ERICH1: variants seen among roughly 807,000 people sequenced by gnomAD.
The protein encoded by ERICH1 is glutamate-rich protein 1.
Under a neutral mutation model 39.6 loss-of-function variants are expected in ERICH1, and 56 were observed. The ratio of observed to expected loss-of-function variants is 1.41; its 90% confidence interval spans 1.14 to 1.77. The LOEUF (loss-of-function observed/expected upper bound fraction) is 1.77. ERICH1 is among the 40% of genes most tolerant of loss of function. The pLI is 0.00. For missense variants in ERICH1, 826 were observed against 575.4 expected, an observed-to-expected ratio of 1.44 and a Z score of -4.45; for synonymous variants, 313 against 223.6, an observed-to-expected ratio of 1.40 and a Z score of -3.57.
intron 4 of ERICH1, among the ~76,000 whole-genome samples, chr8:671,523 G>C (rs1291832391): frequency 6.9e-6 from 1 of 144,716 alleles, no homozygotes; most frequent in Non-Finnish European, 1.5e-5. Context: ...TGGGCTCCAG[G>C]CTCCGACCTC....
At position 664,416 on chromosome 8, in the gene ERICH1, T is replaced by C; in HGVS notation, c.*187A>G. 2 of 1,246,822 alleles carry C rather than the reference T, an allele frequency of 1.6e-6. No homozygotes were observed. Among genetic ancestry groups the C allele is most frequent in the Non-Finnish European group, 2.0e-6 (2 of 994,762 alleles). The allele number at this position is 1,246,822 out of a possible 1,614,324, so 77.2% of individuals were successfully genotyped here. ...TATAATTGCAAATAAGTGAAAAATT[T>C]CCATTTTACCCCAATTTCTCATCTG... On this transcript the variant is annotated 3_prime_UTR_variant, in exon 6 of 6. Coordinates refer to ENST00000262109, the MANE Select transcript of ERICH1 (RefSeq NM_207332.3).
At chr8:703,134 G>A (rs540859355) in intron 2 of ERICH1, among the ~76,000 whole-genome samples, 74 of 152,324 alleles carry the variant, frequency 4.9e-4, no homozygotes, top group African/African-American at 1.7e-3. Context: ...CTGTAACCAG[G>A]AGCATTCGGG....
intron 1 of ERICH1, among the ~76,000 whole-genome samples, chr8:728,867 C>G (rs922697808): frequency 6.6e-6 from 1 of 152,152 alleles, no homozygotes; most frequent in Non-Finnish European, 1.5e-5. Context: ...CACATTGTTA[C>G]AGGGAAACTG....
rs527918253 is a variant in ERICH1, at chr8:711,593, G to A, written c.169+4268C>T. ...AGCTCACTGCAACCTCTGCTCCTGG[G>A]TTCAAGCAATTCTTCTGCCTCAGCC... is the stretch of plus-strand genomic sequence containing the variant. On this transcript the variant is annotated intron_variant, in intron 2 of 5. Transcript: ENST00000262109. 5.3e-5 allele frequency among the ~76,000 whole-genome samples: 8 copies of A among 152,124 alleles called. No homozygotes were observed. In the South Asian group the frequency reaches 1.7e-3, roughly 32 times the overall value.
At chr8:716,893 T>C (rs980673270) in intron 1 of ERICH1, among the ~76,000 whole-genome samples, 1 of 152,142 alleles carries the variant, frequency 6.6e-6, no homozygotes, top group Admixed American at 6.5e-5. Flanking sequence ...GGGAACACTG[T>C]AGCTGAAGGC....
rs541455498 is a variant in ERICH1, at chr8:701,714, TAAAC to T, written c.170-9106_170-9103del. Among the ~76,000 whole-genome samples, 417 of 152,314 alleles carry T rather than the reference TAAAC, an allele frequency of 2.7e-3. 3 individuals are homozygous for T. Among genetic ancestry groups the T allele is most frequent in the Non-Finnish European group, 3.7e-3 (252 of 68,022 alleles). The stretch of plus-strand genomic sequence containing the variant: ...AGGTAGATTTTAGATAAAGATTTCT[TAAAC>T]AAAACACAAAAACTATGAAATTAAA... On this transcript the variant is annotated intron_variant, in intron 2 of 5. Coordinates refer to ENST00000262109, the MANE Select transcript of ERICH1 (RefSeq NM_207332.3).
chr8:652,393 G>A (rs1174556419), intron 3 of ERICH1, among the ~76,000 whole-genome samples: 2 of 152,242 alleles, frequency 1.3e-5, no homozygotes, highest in Non-Finnish European at 2.9e-5. Flanking sequence ...GAGCCCGACC[G>A]TTGTTGGCTG....
intron 2 of ERICH1, among the ~76,000 whole-genome samples, chr8:710,711 T>C (rs1814534930): frequency 6.6e-6 from 1 of 152,248 alleles, no homozygotes. Context: ...GACAGTTCAT[T>C]TCTTTTTAGC....
chr8:711,436 T>G (rs1814707366), intron 2 of ERICH1, among the ~76,000 whole-genome samples: 1 of 152,130 alleles, frequency 6.6e-6, no homozygotes, highest in Non-Finnish European at 1.5e-5. Flanking sequence ...CGAGGGCACC[T>G]AGATTGCCTC....
Position 724,133 on chromosome 8 carries a change from G to A in ERICH1, c.22+7007C>T, listed in dbSNP as rs367776385. On this transcript the variant is annotated intron_variant, in intron 1 of 5. Transcript: ENST00000262109. ...ATCACCAGAACCTCACGCCATGACC[G>A]ATCTGACATGGGATCCTCACGTAGG... Among the ~76,000 whole-genome samples the A allele has an allele frequency of 1.4e-4, 21 of 152,240 alleles. No homozygotes were observed. The East Asian group carries it at 3.3e-3, about 24-fold the overall frequency.
chr8:699,811 ATCCGC>A lies in ERICH1; in HGVS notation c.170-7204_170-7200del, dbSNP rs1563295532. Among the ~76,000 whole-genome samples, 65 of 65,212 alleles carry A rather than the reference ATCCGC, an allele frequency of 1.0e-3. 2 individuals are homozygous for A. The highest frequency in any genetic ancestry group is 2.3e-3 in the Non-Finnish European group (60 of 26,168). 42.8% of individuals were successfully genotyped at this position (65,212 alleles called of 152,430 possible). A position where few individuals can be genotyped will look rare whatever the true frequency, so the allele number is the denominator to read the frequency against. ...CGCACAGACCCGCACACGCGCACAG[ATCCGC>A]ACAAGCGCACAGACCCGCACAGGCG... On this transcript the variant is annotated intron_variant, in intron 2 of 5. Transcript: ENST00000262109.
At chr8:666,822 G>C (rs111853223) in intron 5 of ERICH1, 3 of 152,504 alleles carry the variant, frequency 2.0e-5, no homozygotes, top group African/African-American at 7.2e-5. Flanking sequence ...GTGCCTCACC[G>C]GCCACTCGGC....
chr8:694,211 G>T (rs569401655), intron 2 of ERICH1, among the ~76,000 whole-genome samples: 45 of 152,248 alleles, frequency 3.0e-4, no homozygotes, highest in African/African-American at 1.0e-3. Context: ...TCGAGGGTAG[G>T]GTGCCGGAAT....
chr8:708,685 T>TG (rs1448486596), intron 2 of ERICH1, among the ~76,000 whole-genome samples: 2 of 47,164 alleles, frequency 4.2e-5, no homozygotes, highest in African/African-American at 1.4e-4. Flanking sequence ...TAATGAGTTT[T>TG]TTTTTTTTTT....
intron 2 of ERICH1, among the ~76,000 whole-genome samples, chr8:707,949 C>A (rs1813690119): frequency 6.6e-6 from 1 of 152,072 alleles, no homozygotes; most frequent in African/African-American, 2.4e-5. Flanking sequence ...AACTCAGCAA[C>A]AGAAAGACAA....
chr8:709,641 C>T (rs1814250244), intron 2 of ERICH1, among the ~76,000 whole-genome samples: 1 of 152,196 alleles, frequency 6.6e-6, no homozygotes, highest in African/African-American at 2.4e-5. Context: ...AATGCTGAAG[C>T]TTTGTGAAAA....
chr8:673,973 T>C lies in ERICH1; in HGVS notation c.379A>G (p.Asn127Asp), dbSNP rs1173924392. The C allele has an allele frequency of 6.3e-7, 1 of 1,593,424 alleles. No homozygotes were observed. Among genetic ancestry groups the C allele is most frequent in the Non-Finnish European group, 8.5e-7 (1 of 1,175,844 alleles). ...HKSKKKFKNP[N>D]NVLIEQAELE... ...TCTGCTTGTTCTATAAGAACATTAT[T>C]GGGATTTTTAAATTTTTTCTTTGAT... Residue 127 changes from asparagine (N) to aspartate (D), a missense_variant, in exon 4 of 6, where the codon AAT (asparagine) becomes GAT (aspartate). Physicochemically the swap from Asn to Asp is conservative, Grantham distance 23 (BLOSUM62 1). Transcript: ENST00000262109.
intron 2 of ERICH1, among the ~76,000 whole-genome samples, chr8:712,963 C>T (rs1415718828): frequency 6.6e-6 from 1 of 152,242 alleles, no homozygotes; most frequent in Non-Finnish European, 1.5e-5. Flanking sequence ...TACAAAGCCC[C>T]ACAGACTGGG....
At chr8:636,523 C>G (rs957599528) in intron 3 of ERICH1, among the ~76,000 whole-genome samples, 8 of 152,256 alleles carry the variant, frequency 5.3e-5, no homozygotes, top group African/African-American at 1.9e-4. Context: ...CCACGTGGGC[C>G]CAACAGAGTC....
Sources: allele counts gnomAD v4.1 joint callset (sites outside exome capture counted in the v4.1 genomes callset), GRCh38; gene constraint gnomAD v4.1.1; transcripts MANE v1.5; gene names NCBI Gene and HGNC (gene_info 2026-07-23, HGNC 2026-07-21).